The following MYMX variants were observed in gnomAD, a reference collection of about 807,000 sequenced individuals.
The protein encoded by MYMX is protein myomixer.
chr6:44,209,204 T>C, the MYMX span, among the ~76,000 whole-genome samples: 1 of 152,198 alleles, frequency 6.6e-6, no homozygotes, highest in Non-Finnish European at 1.5e-5. Context: ...GCTCAAGCCA[T>C]CTTCCTGCCT....
the MYMX span, among the ~76,000 whole-genome samples, chr6:44,205,569 G>C: frequency 1.3e-5 from 2 of 152,118 alleles, no homozygotes; most frequent in African/African-American, 4.8e-5. Flanking sequence ...CCAGCACTTT[G>C]AGAGGCCAAG....
At chr6:44,205,979 C>CAAAAAAA in the MYMX span, among the ~76,000 whole-genome samples, 1 of 46,728 alleles carries the variant, frequency 2.1e-5, no homozygotes, top group African/African-American at 1.0e-4. Context: ...GACCCTTTCT[C>CAAAAAAA]AAAAAAAAAA....
the MYMX span, among the ~76,000 whole-genome samples, chr6:44,210,639 G>A: frequency 5.9e-5 from 9 of 151,930 alleles, no homozygotes; most frequent in African/African-American, 1.5e-4. Flanking sequence ...AAATCTCTTC[G>A]GTAACTTACT....
At chr6:44,201,147 G>A in the MYMX span, among the ~76,000 whole-genome samples, 3 of 152,174 alleles carry the variant, frequency 2.0e-5, no homozygotes, top group South Asian at 6.2e-4. Flanking sequence ...TCATGGATAA[G>A]GGACCATCCC....
the MYMX span, among the ~76,000 whole-genome samples, chr6:44,195,319 ACTTT>A: frequency 2.0e-5 from 3 of 152,152 alleles, no homozygotes; most frequent in South Asian, 4.2e-4. Flanking sequence ...ACGCCTGGCC[ACTTT>A]CTTTCTTTTT....
upstream of MYMX, among the ~76,000 whole-genome samples, chr6:44,212,601 TGAAAC>T (rs1775650758): frequency 6.6e-6 from 1 of 151,450 alleles, no homozygotes; most frequent in Admixed American, 6.6e-5. Context: ...TAAAATAAAA[TGAAAC>T]AAAAAAACCT....
At chr6:44,216,145 G>A (rs537616471), upstream of MYMX, among the ~76,000 whole-genome samples, 8 of 152,328 alleles carry the variant, frequency 5.3e-5, no homozygotes, top group East Asian at 1.5e-3. Context: ...GGGCCTGCTT[G>A]GGTCCTAGTC....
the MYMX span, among the ~76,000 whole-genome samples, chr6:44,207,081 C>T: frequency 6.1e-3 from 924 of 152,298 alleles, 8 homozygotes; most frequent in African/African-American, 0.021. Context: ...AGGTTAATGA[C>T]TACAGTCATC....
At chr6:44,203,956 T>C in the MYMX span, among the ~76,000 whole-genome samples, 1 of 152,218 alleles carries the variant, frequency 6.6e-6, no homozygotes, top group African/African-American at 2.4e-5. Flanking sequence ...CAAGAGATTC[T>C]TCTGCCTCAG....
chr6:44,202,840 T>C, the MYMX span, among the ~76,000 whole-genome samples: 2 of 152,176 alleles, frequency 1.3e-5, no homozygotes, highest in Non-Finnish European at 2.9e-5. Flanking sequence ...CAAACCCCTC[T>C]GGAGTTCCCC....
At chr6:44,207,182 A>G in the MYMX span, among the ~76,000 whole-genome samples, 1 of 151,700 alleles carries the variant, frequency 6.6e-6, no homozygotes, top group Admixed American at 6.6e-5. Context: ...TTTTTTTGAG[A>G]CGGAGTCTCG....
At chr6:44,201,683 T>A in the MYMX span, among the ~76,000 whole-genome samples, 1 of 152,198 alleles carries the variant, frequency 6.6e-6, no homozygotes, top group Admixed American at 6.5e-5. Flanking sequence ...TCTGCTGGCC[T>A]CTGACATAAG....
the MYMX span, among the ~76,000 whole-genome samples, chr6:44,198,904 C>T: frequency 2.0e-5 from 3 of 152,124 alleles, no homozygotes; most frequent in Non-Finnish European, 2.9e-5. Flanking sequence ...TGAGTAACTA[C>T]ACCTGGCCCA....
upstream of MYMX, among the ~76,000 whole-genome samples, chr6:44,215,023 T>C (rs1274039999): frequency 6.6e-6 from 1 of 152,230 alleles, no homozygotes; most frequent in Non-Finnish European, 1.5e-5. Context: ...CCTGTGAGTC[T>C]ATACTCTCTA....
At chr6:44,214,060 A>G (rs977234650), upstream of MYMX, among the ~76,000 whole-genome samples, 4 of 152,196 alleles carry the variant, frequency 2.6e-5, no homozygotes, top group African/African-American at 7.2e-5. Context: ...CTGAAAAGTC[A>G]GAACCTTTGG....
At chr6:44,212,319 C>T (rs2128329699), upstream of MYMX, among the ~76,000 whole-genome samples, 1 of 151,962 alleles carries the variant, frequency 6.6e-6, no homozygotes, top group South Asian at 2.1e-4. Flanking sequence ...GTGGAAGGCT[C>T]AGCTGAACCC....
chr6:44,193,530 G>A, the MYMX span, among the ~76,000 whole-genome samples: 22 of 152,304 alleles, frequency 1.4e-4, no homozygotes, highest in African/African-American at 4.6e-4. Flanking sequence ...GGATTTGCAC[G>A]TGGGCAGCAT....
upstream of MYMX, among the ~76,000 whole-genome samples, chr6:44,215,966 T>G (rs1438425341): frequency 2.0e-5 from 3 of 152,202 alleles, no homozygotes; most frequent in Non-Finnish European, 4.4e-5. Context: ...CAAAGAGATA[T>G]ACCCAGCTAT....
At chr6:44,197,331 G>A in the MYMX span, among the ~76,000 whole-genome samples, 1 of 151,546 alleles carries the variant, frequency 6.6e-6, no homozygotes, top group African/African-American at 2.4e-5. Flanking sequence ...TCAGGAGTTC[G>A]AGACCAGCCT....
Sources: gnomAD v4.1 joint callset for allele counts (sites outside exome capture counted in the v4.1 genomes callset) on GRCh38, gnomAD v4.1.1 for gene constraint, MANE v1.5 for transcripts, NCBI Gene and HGNC (gene_info 2026-07-23, HGNC 2026-07-21) for gene names.